APC: variants seen among roughly 807,000 people sequenced by gnomAD.
APC encodes adenomatous polyposis coli protein.
APC carries 72 observed loss-of-function variants against 247.0 expected under a neutral mutation model. The ratio of observed to expected loss-of-function variants is 0.29; its 90% CI spans 0.24 to 0.35. The LOEUF (loss-of-function observed/expected upper bound fraction) is 0.35. Among genes scored for constraint, APC ranks in the 10% least tolerant of loss-of-function variants. APC has a pLI of 1.00. For synonymous variants in APC, 1,254 were observed against 1,162.5 expected (o/e 1.08, Z -1.60); for missense variants, 3,400 against 3,360.7 (o/e 1.01, Z -0.29).
chr5:112,806,600 AG>A (rs1022511663), intron 8 of APC, among the ~76,000 whole-genome samples: 5 of 151,678 alleles, frequency 3.3e-5, no homozygotes, highest in African/African-American at 1.2e-4. Context: ...TTATTGAGAT[AG>A]GGTCTCACTC....
intron 8 of APC, among the ~76,000 whole-genome samples, chr5:112,814,024 A>T (rs926574693): frequency 6.6e-6 from 1 of 152,294 alleles, no homozygotes; most frequent in South Asian, 2.1e-4. Flanking sequence ...TCATTTATTT[A>T]TAATTCAACA....
chr5:112,773,391 C>A (rs1287468156), intron 4 of APC, among the ~76,000 whole-genome samples: 1 of 152,124 alleles, frequency 6.6e-6, no homozygotes, highest in Non-Finnish European at 1.5e-5. Flanking sequence ...GCATGGAAAT[C>A]AAAATTTTCT....
In APC at chr5:112,842,730, C is replaced by G. The variant is rs767691072; in HGVS notation, c.7136C>G (p.Thr2379Ser). 6.2e-6 allele frequency: 10 copies of G among 1,613,808 alleles called. No homozygotes were observed. Among genetic ancestry groups the G allele is most frequent in the African/African-American group, 1.3e-5 (1 of 74,882 alleles). The change falls in exon 16 of 16, where the codon ACC becomes AGC. Residue 2379 changes from threonine (T) to serine (S), a missense_variant. This residue lies in a region of APC where 1,788 missense variants were observed against 1,649.5 expected (regional missense o/e 1.08). Transcript: ENST00000257430. Reference protein sequence around the residue: ...PGRQMSQQNLTKQTGLSKNAS... With the variant: ...PGRQMSQQNLSKQTGLSKNAS... Reference sequence around the variant, plus strand: ...AGACAGATGAGCCAACAGAACCTTACCAAACAAACAGGTTTATCCAAGAAT... The same window carrying G: ...AGACAGATGAGCCAACAGAACCTTAGCAAACAAACAGGTTTATCCAAGAAT...
At chr5:112,835,733 C>G (rs1263652792) in intron 15 of APC, among the ~76,000 whole-genome samples, 1 of 151,832 alleles carries the variant, frequency 6.6e-6, no homozygotes, top group Non-Finnish European at 1.5e-5. Context: ...CCACAACACC[C>G]GGCTAATTTT....
chr5:112,815,327 TAGTA>T (rs1457751450), intron 8 of APC, among the ~76,000 whole-genome samples, 164 bp from the exon 9 acceptor site: 1 of 152,208 alleles, frequency 6.6e-6, no homozygotes, highest in African/African-American at 2.4e-5. Context: ...AAAACATACT[TAGTA>T]AGCGTATAGG....
intron 2 of APC, among the ~76,000 whole-genome samples, chr5:112,758,121 T>C (rs1046881148): frequency 1.7e-4 from 26 of 152,302 alleles, no homozygotes; most frequent in Admixed American, 1.2e-3. Context: ...TACATGGGGC[T>C]TTGTTATAAT....
chr5:112,769,013 T>C (rs1297913273), intron 4 of APC, among the ~76,000 whole-genome samples: 3 of 151,800 alleles, frequency 2.0e-5, no homozygotes, highest in African/African-American at 7.3e-5. Flanking sequence ...TACTTTTTAC[T>C]TCTGTTAGTA....
At chr5:112,717,902 C>CTTTTTTTTTTT (rs1289888067) in intron 1 of APC, among the ~76,000 whole-genome samples, 1 of 22,294 alleles carries the variant, frequency 4.5e-5, no homozygotes, top group African/African-American at 1.6e-4. Flanking sequence ...TTTTCTTTTT[C>CTTTTTTTTTTT]TTTTTCTTTT....
chr5:112,804,891 G>T (rs1238724517), intron 8 of APC, among the ~76,000 whole-genome samples: 1 of 152,040 alleles, frequency 6.6e-6, no homozygotes, highest in Non-Finnish European at 1.5e-5. Context: ...CCGTGTGGGA[G>T]GATCACTTGA....
chr5:112,778,551 T>C (rs562312548), intron 5 of APC: 4 of 41,640 alleles, frequency 9.6e-5, no homozygotes, highest in African/African-American at 2.2e-4. Context: ...ACGTAACTTA[T>C]TTTTTTTTTT....
intron 4 of APC, among the ~76,000 whole-genome samples, chr5:112,768,334 T>C (rs1234236154): frequency 6.7e-6 from 1 of 149,186 alleles, no homozygotes; most frequent in East Asian, 1.9e-4. Context: ...CATGAGGCAC[T>C]ACACTTGGCC....
rs2149940754 is a variant in APC at position 112,841,055 on chromosome 5, A to G, written c.5461A>G (p.Lys1821Glu). 6.2e-7 allele frequency: 1 copy of G among 1,612,180 alleles called. No individual in the cohort carries two copies. Among genetic ancestry groups the G allele is most frequent in the African/African-American group, 1.3e-5 (1 of 74,994 alleles). The change falls in exon 16 of 16, where the codon AAG becomes GAG. Residue 1821 changes from lysine (K) to glutamate (E), a missense_variant. By Grantham distance (56) the Lys-to-Glu change is moderately conservative. This residue lies in a region of APC where 1,788 missense variants were observed against 1,649.5 expected (regional missense o/e 1.08). Coordinates refer to ENST00000257430, the MANE Select transcript of APC (RefSeq NM_000038.6). This position sits in a 1 kb window ranked among gnomAD's most constrained non-coding sequence, Gnocchi z 4.6. ...SKKQNLKNNSKVFNDKLPNNE... is the reference protein window; with the variant it reads ...SKKQNLKNNSEVFNDKLPNNE... The stretch of plus-strand genomic sequence containing the variant: ...GAAACAGAATTTGAAAAATAATTCC[A>G]AGGTCTTCAATGATAAGCTCCCAAA...
rs1345725138 is a variant in APC at position 112,840,542 on chromosome 5, A to G, written c.4948A>G (p.Asn1650Asp). 2 of 1,614,056 alleles carry G rather than the reference A, an allele frequency of 1.2e-6. No homozygotes were observed. Among genetic ancestry groups the G allele is most frequent in the East Asian group, 2.2e-5 (1 of 44,892 alleles). ...GTATTGTGTTGAAGGGACACCTATA[A>G]ACTTTTCCACAGCTACATCTCTAAG... ...RVYCVEGTPINFSTATSLSDL... is the reference protein window; with the variant it reads ...RVYCVEGTPIDFSTATSLSDL... The change falls in exon 16 of 16, where the codon AAC (asparagine) becomes GAC (aspartate). Residue 1650 changes from asparagine to aspartate, a missense_variant. This residue lies in a region of APC where 1,788 missense variants were observed against 1,649.5 expected (regional missense o/e 1.08). Coordinates refer to ENST00000257430, the MANE Select transcript of APC (RefSeq NM_000038.6). This position sits in a 1 kb window ranked among gnomAD's most constrained non-coding sequence, Gnocchi z 4.1.
Position 112,843,407 on chromosome 5 carries a change from C to G in APC, c.7813C>G (p.Gln2605Glu), listed in dbSNP as rs201625142. Reference protein sequence around the residue: ...ISGTKQSKENQVSAKGTWRKI... With the variant: ...ISGTKQSKENEVSAKGTWRKI... ...AGGAACCAAACAAAGTAAAGAAAAC[C>G]AAGTATCCGCAAAAGGAACATGGAG... The change falls in exon 16 of 16, where the codon CAA (glutamine) becomes GAA (glutamate). Residue 2605 changes from glutamine (Q) to glutamate (E), a missense_variant. By Grantham distance (29) the Gln-to-Glu change is conservative. This residue lies in a region of APC where 1,788 missense variants were observed against 1,649.5 expected (regional missense o/e 1.08). Transcript: ENST00000257430. The surrounding 1 kb of genome is among the most constrained non-coding windows in gnomAD (Gnocchi z 4.8). 1 of 1,612,988 alleles carries G rather than the reference C, an allele frequency of 6.2e-7. No homozygotes were observed. The highest frequency in any genetic ancestry group is 2.2e-5 in the East Asian group (1 of 44,868).
At chr5:112,823,682 C>A (rs1259940589) in intron 11 of APC, among the ~76,000 whole-genome samples, 1 of 152,136 alleles carries the variant, frequency 6.6e-6, no homozygotes, top group East Asian at 1.9e-4. Flanking sequence ...ATATAATTTC[C>A]ATGATATATG....
chr5:112,822,005 GTTT>G lies in APC; in HGVS notation c.1408+18_1408+20del. ...TGAATGAACTAGGTAAGACAAAAAT[GTTT>G]TTTAATGACATAGACAATTACTGGT... On this transcript the variant is annotated intron_variant, in intron 11 of 15. Coordinates refer to ENST00000257430, the MANE Select transcript of APC (RefSeq NM_000038.6). 1 of 1,529,046 alleles carries G rather than the reference GTTT, an allele frequency of 6.5e-7. No homozygotes were observed. 94.7% of individuals were successfully genotyped at this position (1,529,046 alleles called of 1,614,324 possible).
At chr5:112,722,064 C>G (rs541556936) in intron 1 of APC, among the ~76,000 whole-genome samples, 1 of 152,244 alleles carries the variant, frequency 6.6e-6, no homozygotes, top group South Asian at 2.1e-4. Flanking sequence ...AAGACCCCCC[C>G]ATTGAGAAAG....
chr5:112,842,863 A>G lies in APC; in HGVS notation c.7269A>G (p.Lys2423=), dbSNP rs786203620. ...KVELSRMSST[K]SSGSESDRSE... Reference sequence around the variant, plus strand: ...AACTTTCTAGAATGTCTTCAACTAAATCAAGTGGAAGTGAATCTGATAGAT... The same window carrying G: ...AACTTTCTAGAATGTCTTCAACTAAGTCAAGTGGAAGTGAATCTGATAGAT... The change falls in exon 16 of 16, where the codon AAA becomes AAG. Residue 2423 remains lysine, a synonymous_variant. Coordinates refer to ENST00000257430, the MANE Select transcript of APC (RefSeq NM_000038.6). 4 of 1,614,014 alleles carry G rather than the reference A, an allele frequency of 2.5e-6. No homozygotes were observed. Among genetic ancestry groups the G allele is most frequent in the Non-Finnish European group, 3.4e-6 (4 of 1,179,938 alleles).
At chr5:112,770,296 A>G (rs905232849) in intron 4 of APC, among the ~76,000 whole-genome samples, 1 of 152,154 alleles carries the variant, frequency 6.6e-6, no homozygotes, top group South Asian at 2.1e-4. Context: ...TTCTCTGTTC[A>G]AAGACTTAAA....
Sources: gnomAD v4.1 joint callset for allele counts (sites outside exome capture counted in the v4.1 genomes callset) on GRCh38, gnomAD v4.1.1 for gene constraint, gnomAD v4.1.1 regional missense constraint, Gnocchi (gnomAD v3.1) non-coding constraint, MANE v1.5 for transcripts, NCBI Gene and HGNC (gene_info 2026-07-23, HGNC 2026-07-21) for gene names.